Variants in ITFG1 observed in about 807,000 individuals in gnomAD.
ITFG1 encodes T-cell immunomodulatory protein.
A neutral mutation model predicts 81.8 loss-of-function variants in ITFG1; 34 were observed. That is an observed-to-expected ratio of 0.42 (90% CI 0.32 to 0.55). The LOEUF is 0.55. Among genes scored for constraint, ITFG1 ranks in the 20% least tolerant of loss-of-function variants. The pLI, the probability that ITFG1 is intolerant of heterozygous loss-of-function variation, is 0.17. For synonymous variants in ITFG1, 285 were observed against 270.6 expected, an observed-to-expected ratio of 1.05 and a Z score of -0.52; for missense variants, 672 against 755.4, an observed-to-expected ratio of 0.89 and a Z score of 1.29.
At chr16:47,245,106 G>A (rs1264964187) in intron 12 of ITFG1, among the ~76,000 whole-genome samples, 1 of 152,132 alleles carries the variant, frequency 6.6e-6, no homozygotes, top group Admixed American at 6.5e-5. Flanking sequence ...CAGCACTTTG[G>A]GAGGCTGAGG....
At chr16:47,309,368 C>T (rs1308355213) in intron 10 of ITFG1, among the ~76,000 whole-genome samples, 1 of 152,110 alleles carries the variant, frequency 6.6e-6, no homozygotes, top group Non-Finnish European at 1.5e-5. Context: ...CCACGCCTGG[C>T]CTATTAACAT....
At chr16:47,387,457 C>A (rs910710555) in intron 6 of ITFG1, among the ~76,000 whole-genome samples, 8 of 152,106 alleles carry the variant, frequency 5.3e-5, no homozygotes, top group African/African-American at 1.9e-4. Context: ...TCCTCTTGTG[C>A]CCTATATCTG....
intron 14 of ITFG1, among the ~76,000 whole-genome samples, chr16:47,167,652 CTT>C (rs1964910283): frequency 1.3e-5 from 2 of 152,328 alleles, no homozygotes; most frequent in African/African-American, 4.8e-5. Context: ...TGCTGACTCT[CTT>C]TTCAGACTCA....
intron 14 of ITFG1, among the ~76,000 whole-genome samples, chr16:47,197,867 T>G (rs1965377417): frequency 6.6e-6 from 1 of 152,206 alleles, no homozygotes; most frequent in Non-Finnish European, 1.5e-5. Context: ...ATCTTTTTTG[T>G]TTCTTCATCA....
intron 8 of ITFG1, among the ~76,000 whole-genome samples, chr16:47,344,919 A>T (rs1967831097): frequency 6.6e-6 from 1 of 152,210 alleles, no homozygotes; most frequent in African/African-American, 2.4e-5. Flanking sequence ...TTTATGACTG[A>T]ATAGTACTCT....
chr16:47,408,036 C>T (rs1397527638), intron 6 of ITFG1, among the ~76,000 whole-genome samples: 4 of 152,166 alleles, frequency 2.6e-5, no homozygotes, highest in Admixed American at 6.5e-5. Context: ...TGAAATTCCA[C>T]TGCATTTTAA....
chr16:47,250,374 T>C (rs949471947), intron 12 of ITFG1, among the ~76,000 whole-genome samples: 11 of 151,178 alleles, frequency 7.3e-5, no homozygotes, highest in African/African-American at 2.7e-4. Flanking sequence ...TAAATATATA[T>C]ACATATATTT....
At chr16:47,185,010 C>A (rs1471897653) in intron 14 of ITFG1, among the ~76,000 whole-genome samples, 1 of 150,954 alleles carries the variant, frequency 6.6e-6, no homozygotes, top group East Asian at 1.9e-4. Flanking sequence ...TTTAAACCAA[C>A]AAAGATCAAA....
intron 6 of ITFG1, among the ~76,000 whole-genome samples, chr16:47,415,966 C>T (rs1471552762): frequency 5.9e-5 from 9 of 151,904 alleles, no homozygotes; most frequent in African/African-American, 1.5e-4. Flanking sequence ...TGGTGGTGGG[C>T]GCCTGTAATC....
At chr16:47,413,550 C>G (rs1262957388) in intron 6 of ITFG1, among the ~76,000 whole-genome samples, 1 of 151,942 alleles carries the variant, frequency 6.6e-6, no homozygotes, top group African/African-American at 2.4e-5. Context: ...TAAAAATTAG[C>G]CTGGTGTTGA....
intron 14 of ITFG1, chr16:47,218,085 A>G (rs113997393): frequency 5.3e-4 from 81 of 152,322 alleles, no homozygotes; most frequent in African/African-American, 1.8e-3. Flanking sequence ...TCTGGGGTAT[A>G]TTTGATTTAG....
intron 14 of ITFG1, among the ~76,000 whole-genome samples, chr16:47,163,926 CACACACACACACACACACACACACACAT>C (rs888356341): frequency 1.4e-5 from 2 of 146,734 alleles, no homozygotes; most frequent in Non-Finnish European, 1.5e-5. Flanking sequence ...CACACACACA[CACACACACACACACACACACACACACAT>C]ACACACACAC....
rs60424367 is a variant in ITFG1, at chr16:47,264,545, T to TACACACACAC, written c.1071-3860_1071-3851dup. Among the ~76,000 whole-genome samples the TACACACACAC allele has an allele frequency of 8.8e-4, 120 of 136,122 alleles. 1 individual carries two copies. Among genetic ancestry groups the TACACACACAC allele is most frequent in the East Asian group, 3.7e-3 (17 of 4,636 alleles). The allele number at this position is 136,122 out of a possible 152,430, so 89.3% of individuals were successfully genotyped here. A position where few individuals can be genotyped will look rare whatever the true frequency, so the allele number is the denominator to read the frequency against. On this transcript the variant is annotated intron_variant, in intron 10 of 17. Transcript: ENST00000320640. ...CAGGTTATTGCCAACTGTTCTCTATTACACACACACACACACACACACACA... is the reference window on the plus strand; with the variant it reads ...CAGGTTATTGCCAACTGTTCTCTATTACACACACACACACACACACACACACACACACACA...
intron 13 of ITFG1, among the ~76,000 whole-genome samples, chr16:47,219,937 CTT>C (rs1268868200): frequency 4.6e-5 from 7 of 152,150 alleles, no homozygotes; most frequent in Admixed American, 3.9e-4. Context: ...GCAAAATAAA[CTT>C]AAGAAACATT....
intron 1 of ITFG1, among the ~76,000 whole-genome samples, chr16:47,459,793 T>TA (rs1402710118): frequency 6.6e-6 from 1 of 152,220 alleles, no homozygotes; most frequent in Non-Finnish European, 1.5e-5. Flanking sequence ...CTACTCTCTG[T>TA]ATCCAGTTTG....
At chr16:47,334,564 CT>C (rs1350009745) in intron 8 of ITFG1, among the ~76,000 whole-genome samples, 1 of 152,180 alleles carries the variant, frequency 6.6e-6, no homozygotes, top group Non-Finnish European at 1.5e-5. Context: ...CAATGATTCA[CT>C]GCTTGGTTGA....
intron 5 of ITFG1, chr16:47,449,177 G>C (rs1286977275): frequency 2.0e-5 from 3 of 152,118 alleles, no homozygotes; most frequent in Non-Finnish European, 2.9e-5. Flanking sequence ...AAAGATCATT[G>C]CATGCTTCCC....
intron 10 of ITFG1, among the ~76,000 whole-genome samples, chr16:47,284,464 A>C (rs1002447574): frequency 6.6e-5 from 10 of 152,212 alleles, no homozygotes; most frequent in African/African-American, 2.4e-4. Flanking sequence ...TTCATAGATG[A>C]AACTCAGTTT....
rs531088689 is a variant in ITFG1 at position 47,456,950 on chromosome 16, A to G, written c.281+2153T>C. On this transcript the variant is annotated intron_variant, in intron 2 of 17. Coordinates refer to ENST00000320640, the MANE Select transcript of ITFG1 (RefSeq NM_030790.5). Reference sequence around the variant, plus strand: ...AGGTATATGGCAGATATGATGGAATATCTGCAAAGAAATTAAGGGTATGTA... The same window carrying G: ...AGGTATATGGCAGATATGATGGAATGTCTGCAAAGAAATTAAGGGTATGTA... 8.1e-4 allele frequency among the ~76,000 whole-genome samples: 124 copies of G among 152,292 alleles called. 1 individual carries two copies. The highest frequency in any genetic ancestry group is 2.7e-3 in the African/African-American group (114 of 41,556).
Sources: gnomAD v4.1 joint callset for allele counts (sites outside exome capture counted in the v4.1 genomes callset) on GRCh38, gnomAD v4.1.1 for gene constraint, MANE v1.5 for transcripts, NCBI Gene and HGNC (gene_info 2026-07-23, HGNC 2026-07-21) for gene names.